RGS6: variants seen among roughly 807,000 people sequenced by gnomAD.
The protein encoded by RGS6 is regulator of G protein signaling 6, also known as regulator of G-protein signaling 6.
Under a neutral mutation model 78.5 loss-of-function variants are expected in RGS6, and 30 were observed. The observed-to-expected ratio is 0.38, with a 90% confidence interval of 0.29 to 0.52. The LOEUF (loss-of-function observed/expected upper bound fraction) is 0.52, where lower values mean the gene tolerates loss of function less well. Ranked by LOEUF, RGS6 falls within the 20% of genes least tolerant of loss-of-function variation. RGS6 has a pLI of 0.85. For synonymous variants in RGS6, 206 were observed against 206.0 expected (o/e 1.00, Z 0.00); for missense variants, 495 against 609.7 (o/e 0.81, Z 1.98).
chr14:72,251,177 C>A lies in RGS6; in HGVS notation c.85-100918C>A, dbSNP rs548959638. 2.7e-3 allele frequency among the ~76,000 whole-genome samples: 408 copies of A among 152,328 alleles called. 1 individual carries two copies. Among genetic ancestry groups the A allele is most frequent in the Middle Eastern group, 0.024 (7 of 294 alleles). On this transcript the variant is annotated intron_variant, in intron 2 of 17. Coordinates refer to ENST00000553525, the MANE Select transcript of RGS6 (RefSeq NM_001204424.2). ...ATTTATGGGACGGTAAGGGGCAGAACTGCAAAGCAAACGAAGGTTGTCTTT... is the reference window on the plus strand; with the variant it reads ...ATTTATGGGACGGTAAGGGGCAGAAATGCAAAGCAAACGAAGGTTGTCTTT...
chr14:72,553,368 C>T (rs534344747), intron 17 of RGS6: 3 of 152,726 alleles, frequency 2.0e-5, no homozygotes, highest in East Asian at 1.9e-4. Context: ...TGAGTGATCC[C>T]GGCGTTCGCA....
At chr14:72,171,725 G>A (rs976170913) in intron 2 of RGS6, among the ~76,000 whole-genome samples, 2 of 152,186 alleles carry the variant, frequency 1.3e-5, no homozygotes, top group African/African-American at 4.8e-5. Flanking sequence ...TAGAGGAGAG[G>A]AAACAGTAAT....
the RGS6 span, among the ~76,000 whole-genome samples, chr14:72,604,538 T>C: frequency 6.6e-6 from 1 of 152,172 alleles, no homozygotes; most frequent in African/African-American, 2.4e-5. Flanking sequence ...CTAAAGTTGC[T>C]GTCAAGTTTT....
the RGS6 span, among the ~76,000 whole-genome samples, chr14:71,910,006 G>A: frequency 9.2e-5 from 14 of 152,036 alleles, no homozygotes; most frequent in African/African-American, 3.4e-4. Flanking sequence ...TGGGCAACAT[G>A]ATGAAACACT....
chr14:72,143,287 C>T (rs187985994), intron 2 of RGS6, among the ~76,000 whole-genome samples: 4 of 152,062 alleles, frequency 2.6e-5, no homozygotes, highest in African/African-American at 7.2e-5. Context: ...GCAGGAGAAT[C>T]GCTTGAACCC....
chr14:72,088,019 CAGAT>C (rs2095118921), intron 2 of RGS6, among the ~76,000 whole-genome samples: 1 of 152,152 alleles, frequency 6.6e-6, no homozygotes, highest in Admixed American at 6.5e-5. Flanking sequence ...GGAGAGCCAT[CAGAT>C]AGAGACCACT....
upstream of RGS6, among the ~76,000 whole-genome samples, chr14:71,927,734 T>G (rs140358738): frequency 0.079 from 12,012 of 151,302 alleles, 606 homozygotes; most frequent in East Asian, 0.19. Flanking sequence ...CTCGACTCAC[T>G]GCAAACTCCG....
chr14:72,163,681 G>C (rs751570233), intron 2 of RGS6, among the ~76,000 whole-genome samples: 1 of 152,126 alleles, frequency 6.6e-6, no homozygotes, highest in African/African-American at 2.4e-5. Flanking sequence ...TCAGGCGTTC[G>C]AGACCAGCCT....
At chr14:72,177,225 A>G (rs1435147403) in intron 2 of RGS6, among the ~76,000 whole-genome samples, 2 of 152,188 alleles carry the variant, frequency 1.3e-5, no homozygotes, top group African/African-American at 2.4e-5. Flanking sequence ...ATAGGCACCC[A>G]TGTCTCTCAG....
Position 72,360,151 on chromosome 14 carries a change from G to C in RGS6, c.184+7957G>C, listed in dbSNP as rs146474817. 1.8e-4 allele frequency among the ~76,000 whole-genome samples: 27 copies of C among 152,240 alleles called. No individual in the cohort carries two copies. In the East Asian group the frequency reaches 5.2e-3, roughly 29 times the overall value. ...TTCAAGGAGTTATATCAAAGAATAG[G>C]TAAGAGAGGATTGAATTTAACATGC... On this transcript the variant is annotated intron_variant, in intron 3 of 17. Coordinates refer to ENST00000553525, the MANE Select transcript of RGS6 (RefSeq NM_001204424.2).
At chr14:72,271,291 G>T (rs2059897948) in intron 2 of RGS6, among the ~76,000 whole-genome samples, 1 of 152,118 alleles carries the variant, frequency 6.6e-6, no homozygotes, top group Non-Finnish European at 1.5e-5. Context: ...AAAAGCAAAG[G>T]GACGTCTTAC....
chr14:72,195,208 A>C (rs1319051354), intron 2 of RGS6, among the ~76,000 whole-genome samples: 1 of 140,972 alleles, frequency 7.1e-6, no homozygotes, highest in Non-Finnish European at 1.6e-5. Flanking sequence ...ACTCCATCTC[A>C]AAAAAAAAAA....
intron 2 of RGS6, among the ~76,000 whole-genome samples, chr14:72,185,014 AGT>A (rs1045791592): frequency 1.3e-5 from 2 of 152,212 alleles, no homozygotes; most frequent in African/African-American, 4.8e-5. Flanking sequence ...GGAAGCCAAC[AGT>A]GTGCCCGAAG....
intron 2 of RGS6, among the ~76,000 whole-genome samples, chr14:72,143,457 A>G (rs2096568055): frequency 6.6e-6 from 1 of 152,222 alleles, no homozygotes; most frequent in African/African-American, 2.4e-5. Flanking sequence ...TGTTAATTAA[A>G]TAACATTAAT....
intron 2 of RGS6, among the ~76,000 whole-genome samples, chr14:72,350,452 T>G (rs2681752): frequency 0.53 from 80,434 of 152,022 alleles, 23,744 homozygotes; most frequent in African/African-American, 0.81. Flanking sequence ...TTTCCTCCTG[T>G]CACCCAGAGG....
intron 2 of RGS6, among the ~76,000 whole-genome samples, chr14:72,020,320 T>C (rs904399826): frequency 1.3e-5 from 2 of 152,232 alleles, no homozygotes; most frequent in African/African-American, 4.8e-5. Flanking sequence ...GTCAAAAATT[T>C]AATCAGACCA....
the RGS6 span, among the ~76,000 whole-genome samples, chr14:72,623,525 G>A: frequency 6.6e-6 from 1 of 152,082 alleles, no homozygotes; most frequent in Non-Finnish European, 1.5e-5. Context: ...TATATTATTG[G>A]TTTAAATATT....
At chr14:71,893,138 G>C in the RGS6 span, among the ~76,000 whole-genome samples, 606 of 152,310 alleles carry the variant, frequency 4.0e-3, 7 homozygotes, top group African/African-American at 0.014. Flanking sequence ...ACACTAAAGG[G>C]ATGGCTAGGT....
chr14:72,522,636 C>G (rs1272920010), intron 15 of RGS6, among the ~76,000 whole-genome samples: 1 of 152,152 alleles, frequency 6.6e-6, no homozygotes, highest in African/African-American at 2.4e-5. Flanking sequence ...TATTTATGAA[C>G]AGTGAAATCC....
Sources: allele counts gnomAD v4.1 joint callset (sites outside exome capture counted in the v4.1 genomes callset), GRCh38; gene constraint gnomAD v4.1.1; transcripts MANE v1.5; gene names NCBI Gene and HGNC (gene_info 2026-07-23, HGNC 2026-07-21).